Variants in TPTE2 observed in about 807,000 individuals in gnomAD.
TPTE2 encodes the protein phosphatidylinositol 3,4,5-trisphosphate 3-phosphatase TPTE2.
In TPTE2, 53 loss-of-function variants were observed where a neutral mutation model predicts 78.6. That is an observed-to-expected ratio of 0.67 (90% CI 0.54 to 0.85). TPTE2 has a LOEUF of 0.85. Among genes scored for constraint, TPTE2 ranks in the 40% least tolerant of loss-of-function variants. The pLI, the probability that TPTE2 is intolerant of heterozygous loss-of-function variation, is 0.00. For synonymous variants in TPTE2, 175 were observed against 206.2 expected (o/e 0.85, Z 1.30); for missense variants, 461 against 623.0 (o/e 0.74, Z 2.77).
chr13:19,452,948 A>AT lies in TPTE2; in HGVS notation c.742-1724dup, dbSNP rs555664678. Among the ~76,000 whole-genome samples the AT allele has an allele frequency of 2.0e-5, 3 of 148,248 alleles. No individual in the cohort carries two copies. In the Admixed American group the frequency reaches 2.0e-4, roughly 10 times the overall value. The stretch of plus-strand genomic sequence containing the variant: ...TTTAGAATACTGTCCTGTCCTTCAT[A>AT]TTTTTTTATTTTATTTTATTTTATT... On this transcript the variant is annotated intron_variant, in intron 10 of 19. Coordinates refer to ENST00000400230, the Ensembl canonical transcript of TPTE2.
chr13:19,469,697 T>A (rs1879490311), intron 6 of TPTE2, among the ~76,000 whole-genome samples: 1 of 152,190 alleles, frequency 6.6e-6, no homozygotes, highest in Non-Finnish European at 1.5e-5. Context: ...CTTCAATTTC[T>A]TTCATCAGTG....
chr13:19,458,744 C>G, intron 10 of TPTE2: 2 of 433,616 alleles, frequency 4.6e-6, no homozygotes, highest in East Asian at 1.3e-4. Context: ...TCATCACTGG[C>G]ACTACAAAGA....
At chr13:19,519,635 A>G (rs1870025661) in intron 1 of TPTE2, among the ~76,000 whole-genome samples, 2 of 152,166 alleles carry the variant, frequency 1.3e-5, no homozygotes, top group Non-Finnish European at 2.9e-5. Flanking sequence ...CCATTGATCT[A>G]CATATCTATC....
exon 18 of TPTE2, chr13:19,426,466 G>A: frequency 6.2e-7 from 1 of 1,607,310 alleles, no homozygotes; most frequent in Non-Finnish European, 8.5e-7. Context: ...TACAGAGGTG[G>A]ACCGTCATAT....
At chr13:19,442,354 A>G (rs564030040) in intron 13 of TPTE2, among the ~76,000 whole-genome samples, 4 of 152,104 alleles carry the variant, frequency 2.6e-5, no homozygotes, top group East Asian at 3.9e-4. Context: ...AAAAAAGCAC[A>G]AAGTTGGAAC....
the TPTE2 span, among the ~76,000 whole-genome samples, chr13:19,556,920 G>A: frequency 1.2e-5 from 1 of 84,862 alleles, no homozygotes; most frequent in Non-Finnish European, 3.4e-5. Context: ...CAAATTTAAT[G>A]TCAAGCAAGA....
At chr13:19,510,700 C>T (rs1385973613) in intron 1 of TPTE2, among the ~76,000 whole-genome samples, 1 of 151,976 alleles carries the variant, frequency 6.6e-6, no homozygotes, top group Non-Finnish European at 1.5e-5. Context: ...GAAAATTAAA[C>T]ATAATTTTAA....
intron 15 of TPTE2, among the ~76,000 whole-genome samples, chr13:19,434,808 T>G (rs1387148471): frequency 2.4e-4 from 37 of 152,160 alleles, no homozygotes; most frequent in Admixed American, 2.4e-3. Context: ...TCACTTCGGT[T>G]TCAGGGGCAA....
intron 10 of TPTE2, among the ~76,000 whole-genome samples, chr13:19,452,171 T>C (rs951944092): frequency 6.6e-6 from 1 of 152,128 alleles, no homozygotes; most frequent in African/African-American, 2.4e-5. Flanking sequence ...GAGGCAAGGA[T>C]AAATAGTTTT....
chr13:19,561,147 C>T, the TPTE2 span: 3 of 1,599,856 alleles, frequency 1.9e-6, no homozygotes, highest in African/African-American at 2.7e-5. Context: ...GGACCAGGGG[C>T]CAGGGCCACA....
At chr13:19,462,579 G>A (rs1009717437) in intron 10 of TPTE2, among the ~76,000 whole-genome samples, 2 of 141,630 alleles carry the variant, frequency 1.4e-5, no homozygotes, top group African/African-American at 5.2e-5. Context: ...ATCTTGCTCT[G>A]TCACCCAGGC....
At chr13:19,518,613 A>G (rs1869952071) in intron 1 of TPTE2, among the ~76,000 whole-genome samples, 1 of 152,216 alleles carries the variant, frequency 6.6e-6, no homozygotes, top group Admixed American at 6.5e-5. Flanking sequence ...GTTGACAAAG[A>G]TAGAGAGAAA....
chr13:19,507,768 T>A (rs1295901355), upstream of TPTE2, among the ~76,000 whole-genome samples: 1 of 152,204 alleles, frequency 6.6e-6, no homozygotes, highest in Non-Finnish European at 1.5e-5. Flanking sequence ...GGCTGACTGA[T>A]TCAAATAAGA....
Position 19,475,574 on chromosome 13 carries a change from CA to C in TPTE2, c.228del (p.Phe76LeufsTer20). 5.0e-6 allele frequency: 8 copies of C among 1,607,890 alleles called. No homozygotes were observed. The highest frequency in any genetic ancestry group is 6.8e-6 in the Non-Finnish European group (8 of 1,177,892). On this transcript the variant is annotated frameshift_variant and splice_region_variant, in exon 5 of 20. Transcript: ENST00000400230. LOFTEE classifies it high-confidence loss of function. The stretch of plus-strand genomic sequence containing the variant: ...TGGTGTTTTCTATGTCTCACATACC[CA>C]AATGCAAAGGATGATACAATTGAAT...
intron 16 of TPTE2, among the ~76,000 whole-genome samples, chr13:19,431,176 C>CTTGCAACCT (rs1876573407): frequency 6.6e-6 from 1 of 151,696 alleles, no homozygotes. Context: ...GGAAAGGTGA[C>CTTGCAACCT]TTGCAACCTT....
intron 17 of TPTE2, among the ~76,000 whole-genome samples, chr13:19,428,555 A>G (rs2137465164): frequency 6.6e-6 from 1 of 152,182 alleles, no homozygotes; most frequent in Admixed American, 6.5e-5. Context: ...GCTGAGGTGG[A>G]CAGGCTGCTT....
rs139880022 is a variant in TPTE2, at chr13:19,450,099, G to A, written c.950C>T (p.Ala317Val). ...ACCTTTGCCTCCTTTACAGTGAATC[G>A]CTACGATGTTTTCAAGATCTTGAGC... The change falls in exon 13 of 20, where the codon GCG becomes GTG. Residue 317 changes from alanine (A) to valine (V), a missense_variant. Coordinates refer to ENST00000400230, the Ensembl canonical transcript of TPTE2. The A allele has an allele frequency of 1.3e-4, 203 of 1,611,158 alleles. No individual in the cohort carries two copies. Among genetic ancestry groups the A allele is most frequent in the South Asian group, 2.2e-4 (20 of 90,926 alleles).
chr13:19,492,835 G>A lies in TPTE2; in HGVS notation c.119+15C>T, dbSNP rs1193279735. On this transcript the variant is annotated intron_variant, in intron 3 of 19. Transcript: ENST00000400230. ...CTCTTATGCATACGTGTGTCTTCAT[G>A]TATTTATAACTCACCTTTTACTGAT... The A allele has an allele frequency of 6.2e-7, 1 of 1,613,674 alleles. No homozygotes were observed. Among genetic ancestry groups the A allele is most frequent in the Non-Finnish European group, 8.5e-7 (1 of 1,179,732 alleles).
chr13:19,450,016 T>C, intron 13 of TPTE2, 60 bp downstream of exon 16: 1 of 1,582,560 alleles, frequency 6.3e-7, no homozygotes, highest in East Asian at 2.2e-5. Flanking sequence ...CTTGTTCTTC[T>C]ACTTTATCTA....
Sources: gnomAD v4.1 joint callset for allele counts (sites outside exome capture counted in the v4.1 genomes callset) on GRCh38, gnomAD v4.1.1 for gene constraint, MANE v1.5 for transcripts, NCBI Gene and HGNC (gene_info 2026-07-23, HGNC 2026-07-21) for gene names.